Variants in MAPK10 observed in about 807,000 individuals in gnomAD.
MAPK10 encodes mitogen-activated protein kinase 10.
A neutral mutation model predicts 59.3 loss-of-function variants in MAPK10; 25 were observed. The ratio of observed to expected loss-of-function variants is 0.42; its 90% CI spans 0.31 to 0.59. The LOEUF (loss-of-function observed/expected upper bound fraction) is 0.59. Ranked by LOEUF, MAPK10 falls within the 20% of genes least tolerant of loss-of-function variation. The pLI is 0.15. For synonymous variants in MAPK10, 190 were observed against 200.5 expected (o/e 0.95, Z 0.44); for missense variants, 351 against 568.9 (o/e 0.62, Z 3.90).
Position 86,067,995 on chromosome 4 carries a change from C to T in MAPK10, c.803-40G>A, listed in dbSNP as rs1022394509. On this transcript the variant is annotated intron_variant, in intron 9 of 13. Transcript: ENST00000641462. ...GTTAAGGGAAAAAAGAAGAGCAGAC[C>T]ACTAGCCTTTCAACAATTGGGAGAC... 5.0e-6 allele frequency: 7 copies of T among 1,404,996 alleles called. No individual in the cohort carries two copies. The Admixed American group carries it at 1.0e-4, about 21-fold the overall frequency. 87.0% of individuals were successfully genotyped at this position (1,404,996 alleles called of 1,614,324 possible). A position where few individuals can be genotyped will look rare whatever the true frequency, so the allele number is the denominator to read the frequency against.
intron 2 of MAPK10, among the ~76,000 whole-genome samples, chr4:86,330,758 A>G (rs1328759029): frequency 6.6e-6 from 1 of 152,206 alleles, no homozygotes; most frequent in Non-Finnish European, 1.5e-5. Flanking sequence ...AGTTCTTTAT[A>G]GGACCGTGAG....
intron 4 of MAPK10, among the ~76,000 whole-genome samples, chr4:86,109,355 T>A (rs2057073798): frequency 6.6e-6 from 1 of 152,168 alleles, no homozygotes; most frequent in Non-Finnish European, 1.5e-5. Flanking sequence ...CCAGCATGCA[T>A]TAGCTATTTT....
At chr4:86,364,376 A>T (rs1430732941), upstream of MAPK10, among the ~76,000 whole-genome samples, 3 of 151,906 alleles carry the variant, frequency 2.0e-5, no homozygotes, top group Non-Finnish European at 4.4e-5. Context: ...TGATCCACCC[A>T]CCTTGACCTC....
At chr4:86,359,344 C>T (rs942010405) in intron 1 of MAPK10, among the ~76,000 whole-genome samples, 1 of 147,354 alleles carries the variant, frequency 6.8e-6, no homozygotes, top group African/African-American at 2.5e-5. Context: ...CTCTCTCTCT[C>T]CCTTCCCTTC....
At chr4:86,189,943 G>A (rs1304251958) in intron 3 of MAPK10, among the ~76,000 whole-genome samples, 1 of 152,130 alleles carries the variant, frequency 6.6e-6, no homozygotes, top group African/African-American at 2.4e-5. Flanking sequence ...TTTATTGAGA[G>A]TTTTTAGCAT....
intron 4 of MAPK10, among the ~76,000 whole-genome samples, chr4:86,116,959 C>A (rs1213487860): frequency 6.6e-6 from 1 of 152,198 alleles, no homozygotes; most frequent in Non-Finnish European, 1.5e-5. Flanking sequence ...GCATAGGCAA[C>A]AATTGGACAC....
intron 1 of MAPK10, among the ~76,000 whole-genome samples, chr4:86,578,970 A>G (rs1436396618): frequency 1.3e-5 from 2 of 152,210 alleles, no homozygotes; most frequent in African/African-American, 4.8e-5. Flanking sequence ...ACTGGAAGTG[A>G]GTGAAATAAG....
At chr4:86,371,242 T>C (rs1199840376) in intron 1 of MAPK10, among the ~76,000 whole-genome samples, 1 of 152,208 alleles carries the variant, frequency 6.6e-6, no homozygotes, top group Non-Finnish European at 1.5e-5. Context: ...TTATTTTAGC[T>C]ATTATCTGTT....
upstream of MAPK10, among the ~76,000 whole-genome samples, chr4:86,458,210 GAATT>G (rs1751407349): frequency 6.6e-6 from 1 of 151,926 alleles, no homozygotes; most frequent in Non-Finnish European, 1.5e-5. Flanking sequence ...TGAGGCAGGA[GAATT>G]GCTTGAACCT....
chr4:86,292,292 T>C (rs1279403741), intron 2 of MAPK10, among the ~76,000 whole-genome samples: 2 of 152,182 alleles, frequency 1.3e-5, no homozygotes. Context: ...ATAATACTTC[T>C]CTCCATATCT....
chr4:86,183,381 C>T (rs1308954801), intron 3 of MAPK10, among the ~76,000 whole-genome samples: 1 of 147,992 alleles, frequency 6.8e-6, no homozygotes, highest in Non-Finnish European at 1.5e-5. Context: ...TGAGTGAGAA[C>T]ATGCAGTGTT....
chr4:86,213,463 T>A (rs2086444864), intron 2 of MAPK10, among the ~76,000 whole-genome samples: 1 of 152,044 alleles, frequency 6.6e-6, no homozygotes, highest in South Asian at 2.1e-4. Flanking sequence ...TAGCTGGATT[T>A]AGTAAGATAA....
chr4:86,231,981 G>A lies in MAPK10; in HGVS notation c.-6-37574C>T, dbSNP rs142479044. Reference sequence around the variant, plus strand: ...TTATATTACAGAAGAACATAGATGGGTTCAGTTTAACTGGAATTGGTCTAT... The same window carrying A: ...TTATATTACAGAAGAACATAGATGGATTCAGTTTAACTGGAATTGGTCTAT... On this transcript the variant is annotated intron_variant, in intron 2 of 13. Coordinates refer to ENST00000641462, the MANE Select transcript of MAPK10 (RefSeq NM_138982.4). 1.9e-3 allele frequency among the ~76,000 whole-genome samples: 286 copies of A among 152,282 alleles called. 1 individual carries two copies. Among genetic ancestry groups the A allele is most frequent in the African/African-American group, 6.5e-3 (271 of 41,572 alleles).
intron 2 of MAPK10, among the ~76,000 whole-genome samples, chr4:86,301,196 C>T (rs774434140): frequency 2.6e-4 from 40 of 151,906 alleles, no homozygotes; most frequent in African/African-American, 9.2e-4. Flanking sequence ...TGGGCAGGGG[C>T]GGGGCAGATG....
intron 11 of MAPK10, chr4:86,044,493 T>C: frequency 2.7e-6 from 1 of 363,986 alleles, no homozygotes; most frequent in Non-Finnish European, 4.9e-6. Flanking sequence ...TGCCTAGTTA[T>C]GTTTCATTTG....
At chr4:86,521,609 C>A (rs1050027516) in intron 1 of MAPK10, among the ~76,000 whole-genome samples, 2 of 152,244 alleles carry the variant, frequency 1.3e-5, no homozygotes, top group South Asian at 4.1e-4. Flanking sequence ...CATCACCCAG[C>A]TCCTATGCAG....
At chr4:86,300,251 T>A (rs547600036) in intron 2 of MAPK10, among the ~76,000 whole-genome samples, 13 of 152,322 alleles carry the variant, frequency 8.5e-5, no homozygotes, top group Non-Finnish European at 1.3e-4. Context: ...TAAAGAGTTT[T>A]AAAAGTGAAA....
At chr4:86,448,480 A>G (rs561926812) in intron 1 of MAPK10, among the ~76,000 whole-genome samples, 64 of 152,190 alleles carry the variant, frequency 4.2e-4, no homozygotes, top group Admixed American at 4.2e-3. Flanking sequence ...ATCCAAGAAC[A>G]TAATATGTCT....
intron 2 of MAPK10, among the ~76,000 whole-genome samples, chr4:86,225,223 G>A (rs180742648): frequency 6.6e-6 from 1 of 152,250 alleles, no homozygotes; most frequent in East Asian, 1.9e-4. Context: ...ACCATTGTCA[G>A]GACTGATGAG....
Sources: allele counts gnomAD v4.1 joint callset (sites outside exome capture counted in the v4.1 genomes callset), GRCh38; gene constraint gnomAD v4.1.1; transcripts MANE v1.5; gene names NCBI Gene and HGNC (gene_info 2026-07-23, HGNC 2026-07-21).